KLHL42: variants seen among roughly 807,000 people sequenced by gnomAD.
The protein encoded by KLHL42 is kelch-like protein 42.
In KLHL42, 27 loss-of-function variants were observed where a neutral mutation model predicts 32.7. The observed-to-expected ratio is 0.83, with a 90% confidence interval of 0.61 to 1.14. The LOEUF (loss-of-function observed/expected upper bound fraction) is 1.14, where lower values mean the gene tolerates loss of function less well. Among genes scored for constraint, KLHL42 ranks in the 50% most tolerant of loss-of-function variants. The pLI is 0.00. For synonymous variants in KLHL42, 267 were observed against 248.2 expected, an observed-to-expected ratio of 1.08 and a Z score of -0.71; for missense variants, 491 against 560.8, an observed-to-expected ratio of 0.88 and a Z score of 1.26.
In KLHL42 at chr12:27,780,849, C is replaced by A; in HGVS notation, c.519C>A (p.Pro173=). Residue 173 remains proline, a synonymous_variant, in exon 1 of 3, where the codon CCC becomes CCA. Transcript: ENST00000381271. This position sits in a 1 kb window ranked among gnomAD's most constrained non-coding sequence, Gnocchi z 8.8. ...AGTTCCACCTCCTGGGGTCTCCTCC[C>A]CAAGCTCCAGGGGATGTCAGCCTGA... is the stretch of plus-strand genomic sequence containing the variant. ...KPQFHLLGSP[P]QAPGDVSLKQ... is the part of the protein sequence containing the mutation. The A allele has an allele frequency of 6.2e-7, 1 of 1,613,914 alleles. No individual in the cohort carries two copies.
In KLHL42 at chr12:27,797,454, G is replaced by T. The variant is rs2062224125; in HGVS notation, c.1067-261G>T. On this transcript the variant is annotated intron_variant, in intron 2 of 2. Transcript: ENST00000381271. ...ACCAGGGAGGAGGGGCTGTGTGAAA[G>T]TCAGAGCTGCGCTTTTTCCTGGTTT... is the stretch of plus-strand genomic sequence containing the variant. The T allele has an allele frequency of 1.1e-5, 6 of 538,962 alleles. No individual in the cohort carries two copies. The Admixed American group carries it at 1.6e-4, about 15-fold the overall frequency. 33.4% of individuals were successfully genotyped at this position (538,962 alleles called of 1,614,324 possible).
chr12:27,796,150 A>G (rs1483334548), intron 2 of KLHL42, among the ~76,000 whole-genome samples: 1 of 152,230 alleles, frequency 6.6e-6, no homozygotes, highest in Non-Finnish European at 1.5e-5. Flanking sequence ...CGTGGCTTAC[A>G]ATTCTGAGAT....
intron 2 of KLHL42, among the ~76,000 whole-genome samples, chr12:27,796,166 C>T (rs2062217472): frequency 6.6e-6 from 1 of 152,194 alleles, no homozygotes; most frequent in African/African-American, 2.4e-5. Context: ...GAGATTTCTC[C>T]AGGCATCAGG....
chr12:27,788,842 T>C (rs2062184576), intron 1 of KLHL42, among the ~76,000 whole-genome samples: 1 of 152,258 alleles, frequency 6.6e-6, no homozygotes, highest in African/African-American at 2.4e-5. Flanking sequence ...CTATGATAGA[T>C]GACTTGTTAC....
At chr12:27,789,292 C>G (rs1275396779) in intron 1 of KLHL42, among the ~76,000 whole-genome samples, 2 of 152,290 alleles carry the variant, frequency 1.3e-5, no homozygotes, top group Non-Finnish European at 2.9e-5. Flanking sequence ...AGTAATTTGT[C>G]TAAGGTCAGA....
chr12:27,780,374 G>A lies in KLHL42; in HGVS notation c.44G>A (p.Cys15Tyr). 4 of 1,582,086 alleles carry A rather than the reference G, an allele frequency of 2.5e-6. No individual in the cohort carries two copies. In the South Asian group the frequency reaches 3.5e-5, roughly 14 times the overall value. Residue 15 changes from cysteine to tyrosine, a missense_variant, in exon 1 of 3, where the codon TGC becomes TAC. Transcript: ENST00000381271. The surrounding 1 kb of genome is among the most constrained non-coding windows in gnomAD (Gnocchi z 8.8). ...GTGCAGATCCGCCTGGAGGACCGCT[G>A]CTACCCGGTGAGCAAGAGGAAGCTC... ...EMVQIRLEDR[C>Y]YPVSKRKLIE... is the part of the protein sequence containing the mutation.
In KLHL42 at chr12:27,784,478, A is replaced by G. The variant is rs1228756621; in HGVS notation, c.872+3276A>G. 2.6e-5 allele frequency among the ~76,000 whole-genome samples: 4 copies of G among 151,998 alleles called. No homozygotes were observed. The South Asian group carries it at 8.3e-4, about 32-fold the overall frequency. ...TTAAATTTTGTTGAAGCTGGGTGCA[A>G]TGGTTCACGCTTGTAGTCCCAGCTA... On this transcript the variant is annotated intron_variant, in intron 1 of 2. Coordinates refer to ENST00000381271, the MANE Select transcript of KLHL42 (RefSeq NM_020782.2).
chr12:27,800,121 G>C lies in KLHL42; in HGVS notation c.*1955G>C. On this transcript the variant is annotated 3_prime_UTR_variant, in exon 3 of 3. Coordinates refer to ENST00000381271, the MANE Select transcript of KLHL42 (RefSeq NM_020782.2). Reference sequence around the variant, plus strand: ...TTAAAGGCTTTGTCCTATACATTTAGAAGATGAGTCAGTTGAATTAGTACT... The same window carrying C: ...TTAAAGGCTTTGTCCTATACATTTACAAGATGAGTCAGTTGAATTAGTACT... 6 of 984,954 alleles carry C rather than the reference G, an allele frequency of 6.1e-6. No individual in the cohort carries two copies. The highest frequency in any genetic ancestry group is 7.2e-6 in the Non-Finnish European group (6 of 829,514). 61.0% of individuals were successfully genotyped at this position (984,954 alleles called of 1,614,324 possible).
rs17224065 is a variant in KLHL42 at position 27,799,700 on chromosome 12, C to T, written c.*1534C>T. 49,623 of 152,636 alleles carry T rather than the reference C, an allele frequency of 0.33. 9,244 individuals are homozygous for T. The highest frequency in any genetic ancestry group is 0.42 in the South Asian group (2,051 of 4,826). The allele number at this position is 152,636 out of a possible 1,614,324, so 9.5% of individuals were successfully genotyped here. ...AGTGACTACAGGTTTTCTTTACAAC[C>T]ATGGCCTCTAGTATACTTAAAATAA... On this transcript the variant is annotated 3_prime_UTR_variant, in exon 3 of 3. Coordinates refer to ENST00000381271, the MANE Select transcript of KLHL42 (RefSeq NM_020782.2).
intron 1 of KLHL42, among the ~76,000 whole-genome samples, chr12:27,790,187 G>A (rs1393656011): frequency 6.6e-6 from 1 of 152,052 alleles, no homozygotes; most frequent in Non-Finnish European, 1.5e-5. Flanking sequence ...AATTCACTTG[G>A]TCTAGCACCT....
At chr12:27,781,624 T>C (rs913271685) in intron 1 of KLHL42, among the ~76,000 whole-genome samples, 1 of 152,244 alleles carries the variant, frequency 6.6e-6, no homozygotes, top group African/African-American at 2.4e-5. Context: ...GGGATTTTTT[T>C]CTGATGTCAG....
chr12:27,785,703 C>G (rs1403512524), intron 1 of KLHL42, among the ~76,000 whole-genome samples: 2 of 151,886 alleles, frequency 1.3e-5, no homozygotes, highest in Non-Finnish European at 2.9e-5. Context: ...GTTGTTGTCT[C>G]TCTGCCTTCC....
At chr12:27,785,275 C>T (rs1248726320) in intron 1 of KLHL42, among the ~76,000 whole-genome samples, 5 of 152,186 alleles carry the variant, frequency 3.3e-5, no homozygotes, top group Non-Finnish European at 5.9e-5. Context: ...TCATAACTTA[C>T]TGCAGCCTTC....
In KLHL42 at chr12:27,800,500, GTCCT is replaced by G. The variant is rs1223773416; in HGVS notation, c.*2339_*2342del. On this transcript the variant is annotated 3_prime_UTR_variant, in exon 3 of 3. Coordinates refer to ENST00000381271, the MANE Select transcript of KLHL42 (RefSeq NM_020782.2). ...ACAGATCTGTGCATTTTGTGACATC[GTCCT>G]TCCTGCTGTGCACATCAGCTGTGAT... The G allele has an allele frequency of 7.1e-6, 3 of 421,270 alleles. No homozygotes were observed. The highest frequency in any genetic ancestry group is 1.3e-4 in the Admixed American group (2 of 15,542). The allele number at this position is 421,270 out of a possible 1,614,324, so 26.1% of individuals were successfully genotyped here.
rs1444926533 is a variant in KLHL42, at chr12:27,802,606, T to C, written c.*4440T>C. 1 of 152,656 alleles carries C rather than the reference T, an allele frequency of 6.6e-6. No homozygotes were observed. The highest frequency in any genetic ancestry group is 1.5e-5 in the Non-Finnish European group (1 of 68,036). 9.5% of individuals were successfully genotyped at this position (152,656 alleles called of 1,614,324 possible). On this transcript the variant is annotated 3_prime_UTR_variant, in exon 3 of 3. Coordinates refer to ENST00000381271, the MANE Select transcript of KLHL42 (RefSeq NM_020782.2). ...TTTTATTCATACAGGAAGCATTAAA[T>C]ATAAAAGATGGTCAGTTTTGAAGAG...
intron 2 of KLHL42, 77 bp downstream of exon 2, chr12:27,791,978 G>A: frequency 8.1e-7 from 1 of 1,233,114 alleles, no homozygotes; most frequent in Non-Finnish European, 1.2e-6. Flanking sequence ...GGGTGTCAGA[G>A]GAAGCCCCGA....
At position 27,797,574 on chromosome 12, in the gene KLHL42, T is replaced by C. The variant is rs2062224703; in HGVS notation, c.1067-141T>C. 6 of 653,600 alleles carry C rather than the reference T, an allele frequency of 9.2e-6. No individual in the cohort carries two copies. In the South Asian group the frequency reaches 1.1e-4, roughly 12 times the overall value. 40.5% of individuals were successfully genotyped at this position (653,600 alleles called of 1,614,324 possible). A position where few individuals can be genotyped will look rare whatever the true frequency, so the allele number is the denominator to read the frequency against. On this transcript the variant is annotated intron_variant, in intron 2 of 2. Coordinates refer to ENST00000381271, the MANE Select transcript of KLHL42 (RefSeq NM_020782.2). ...ATCTCTTCCCAGCCACTTTGAAAAC[T>C]GTTTTTCTAACTTGTGCTTTTTCTG... is the stretch of plus-strand genomic sequence containing the variant.
intron 1 of KLHL42, among the ~76,000 whole-genome samples, chr12:27,784,438 C>T (rs1404131543): frequency 1.3e-5 from 2 of 151,940 alleles, no homozygotes; most frequent in Admixed American, 1.3e-4. Context: ...CCGCGCCCAG[C>T]TGTGTATGCA....
intron 2 of KLHL42, among the ~76,000 whole-genome samples, chr12:27,794,241 G>A (rs2062209632): frequency 6.6e-6 from 1 of 152,136 alleles, no homozygotes; most frequent in Admixed American, 6.5e-5. Flanking sequence ...GCGGGGCTGT[G>A]CTCCTTCTGA....
Sources: allele counts gnomAD v4.1 joint callset (sites outside exome capture counted in the v4.1 genomes callset), GRCh38; gene constraint gnomAD v4.1.1; non-coding constraint Gnocchi (gnomAD v3.1); transcripts MANE v1.5; gene names NCBI Gene and HGNC (gene_info 2026-07-23, HGNC 2026-07-21).